The following CRYBG1 variants were observed in gnomAD, a reference collection of about 807,000 sequenced individuals.
CRYBG1 encodes beta/gamma crystallin domain-containing protein 1.
A neutral mutation model predicts 189.2 loss-of-function variants in CRYBG1; 139 were observed. The observed-to-expected ratio is 0.73, with a 90% CI of 0.64 to 0.85. The LOEUF is 0.85. CRYBG1 is among the 40% of genes least tolerant of loss of function. The pLI, the probability that CRYBG1 is intolerant of heterozygous loss-of-function variation, is 0.00. For missense variants in CRYBG1, 2,611 were observed against 2,675.8 expected, an observed-to-expected ratio of 0.98 and a Z score of 0.53; for synonymous variants, 1,023 against 1,017.1, an observed-to-expected ratio of 1.01 and a Z score of -0.11.
At chr6:106,473,126 T>G (rs969834264) in intron 2 of CRYBG1, among the ~76,000 whole-genome samples, 2 of 152,208 alleles carry the variant, frequency 1.3e-5, no homozygotes, top group African/African-American at 4.8e-5. Flanking sequence ...AGGAATAAAA[T>G]GGGCTTGGAG....
chr6:106,488,672 G>T (rs573152137), intron 2 of CRYBG1, among the ~76,000 whole-genome samples: 3 of 152,292 alleles, frequency 2.0e-5, no homozygotes, highest in South Asian at 4.1e-4. Flanking sequence ...GTGCCTGTGG[G>T]CCTGATATCT....
intron 1 of CRYBG1, among the ~76,000 whole-genome samples, chr6:106,446,335 T>A (rs915458640): frequency 6.6e-6 from 1 of 151,970 alleles, no homozygotes; most frequent in Non-Finnish European, 1.5e-5. Flanking sequence ...TTCAGAAGAG[T>A]GGTTCTAGTA....
At chr6:106,465,994 G>C (rs1252986553) in intron 2 of CRYBG1, among the ~76,000 whole-genome samples, 1 of 152,068 alleles carries the variant, frequency 6.6e-6, no homozygotes. Flanking sequence ...CTTCCTTCCA[G>C]TCATTTGTAA....
intron 21 of CRYBG1, among the ~76,000 whole-genome samples, chr6:106,564,608 G>A (rs1224061575): frequency 1.6e-5 from 1 of 63,614 alleles, no homozygotes; most frequent in Non-Finnish European, 6.3e-5. Flanking sequence ...TAGGTCTGGG[G>A]TGGGGCCTGA....
chr6:106,367,360 G>A (rs1270179121), intron 1 of CRYBG1, among the ~76,000 whole-genome samples: 1 of 151,290 alleles, frequency 6.6e-6, no homozygotes, highest in Non-Finnish European at 1.5e-5. Context: ...AGGCCAAAGT[G>A]GGCGGATCAC....
At chr6:106,436,444 G>A (rs1582761827) in intron 1 of CRYBG1, among the ~76,000 whole-genome samples, 1 of 152,124 alleles carries the variant, frequency 6.6e-6, no homozygotes, top group South Asian at 2.1e-4. Context: ...GACTACAGGC[G>A]CCGCCACCTC....
At chr6:106,392,464 G>A (rs1354774755) in intron 1 of CRYBG1, among the ~76,000 whole-genome samples, 1 of 152,198 alleles carries the variant, frequency 6.6e-6, no homozygotes, top group Admixed American at 6.5e-5. Flanking sequence ...CTAGAGGTAG[G>A]ACTTAGGGAG....
chr6:106,550,954 C>G (rs539474081), intron 13 of CRYBG1, among the ~76,000 whole-genome samples: 3 of 151,982 alleles, frequency 2.0e-5, no homozygotes, highest in Non-Finnish European at 4.4e-5. Context: ...TGTCAAGATA[C>G]CCTTACGCTT....
chr6:106,520,702 A>C lies in CRYBG1; in HGVS notation c.3494A>C (p.Lys1165Thr). The part of the protein sequence containing the change: ...KVFTFGLGKK[K>T]ESQPEMSPAL... The stretch of plus-strand genomic sequence containing the variant: ...TTTACCTTTGGTTTGGGGAAGAAGA[A>C]GGAAAGTCAGCCAGAAATGTCACCG... Residue 1165 changes from lysine to threonine, a missense_variant, in exon 4 of 22, where the codon AAG becomes ACG. Physicochemically the swap from Lys to Thr is moderately conservative, Grantham distance 78. This residue lies in a region of CRYBG1 where 1,622 missense variants were observed against 1,735.0 expected (regional missense o/e 0.93). Transcript: ENST00000633556. The C allele has an allele frequency of 6.2e-7, 1 of 1,614,174 alleles. No homozygotes were observed. The highest frequency in any genetic ancestry group is 2.2e-5 in the East Asian group (1 of 44,890).
intron 1 of CRYBG1, among the ~76,000 whole-genome samples, chr6:106,375,296 G>A (rs896167958): frequency 6.6e-6 from 1 of 152,116 alleles, no homozygotes; most frequent in African/African-American, 2.4e-5. Flanking sequence ...TGAGACAGGA[G>A]GATTGCTTGA....
chr6:106,527,570 A>G (rs2114551355), intron 7 of CRYBG1, 100 bp downstream of exon 7: 3 of 1,240,698 alleles, frequency 2.4e-6, no homozygotes, highest in Admixed American at 4.5e-5. Context: ...ATTGGGAAAC[A>G]TATTTGGTGC....
chr6:106,392,319 G>C (rs934924958), intron 1 of CRYBG1, among the ~76,000 whole-genome samples: 1 of 152,098 alleles, frequency 6.6e-6, no homozygotes, highest in Admixed American at 6.5e-5. Flanking sequence ...CTTGAAAAAG[G>C]CAACCGAATG....
At chr6:106,506,509 A>G (rs942945405) in intron 2 of CRYBG1, among the ~76,000 whole-genome samples, 1 of 134,194 alleles carries the variant, frequency 7.5e-6, no homozygotes, top group Admixed American at 8.5e-5. Flanking sequence ...CTGGAGTACA[A>G]TGATGTGATC....
chr6:106,381,422 A>AT (rs1184137252), intron 1 of CRYBG1, among the ~76,000 whole-genome samples: 1 of 152,064 alleles, frequency 6.6e-6, no homozygotes, highest in Non-Finnish European at 1.5e-5. Context: ...TCAACCATGA[A>AT]TTCTAAGTGC....
rs563844018 is a variant in CRYBG1 at position 106,385,310 on chromosome 6, A to G, written c.173+24229A>G. On this transcript the variant is annotated intron_variant, in intron 1 of 21. Transcript: ENST00000633556. ...GGCATGTACTTTAATGGTGGTTGATAATATTAATCACATCCTGCAAGACAT... is the reference window on the plus strand; with the variant it reads ...GGCATGTACTTTAATGGTGGTTGATGATATTAATCACATCCTGCAAGACAT... Among the ~76,000 whole-genome samples, 5 of 152,304 alleles carry G rather than the reference A, an allele frequency of 3.3e-5. No individual in the cohort carries two copies. The East Asian group carries it at 7.7e-4, about 23-fold the overall frequency.
chr6:106,518,975 G>GCACACACACACACA (rs377748036), intron 3 of CRYBG1, among the ~76,000 whole-genome samples, 156 bp from the exon 4 acceptor site: 137 of 134,358 alleles, frequency 1.0e-3, no homozygotes, highest in East Asian at 1.6e-3. Context: ...ACATGTGTGC[G>GCACACACACACACA]CACACACACA....
chr6:106,397,153 G>A (rs997291636), intron 1 of CRYBG1, among the ~76,000 whole-genome samples: 1 of 152,154 alleles, frequency 6.6e-6, no homozygotes, highest in African/African-American at 2.4e-5. Context: ...CAAATAAAAA[G>A]CATATATGCT....
intron 1 of CRYBG1, among the ~76,000 whole-genome samples, chr6:106,436,242 T>C (rs979682619): frequency 3.9e-5 from 6 of 151,946 alleles, no homozygotes. Context: ...CAGATTTTAG[T>C]GTATTTCCTT....
intron 1 of CRYBG1, among the ~76,000 whole-genome samples, chr6:106,392,127 C>T (rs1770519582): frequency 6.6e-6 from 1 of 152,064 alleles, no homozygotes; most frequent in East Asian, 1.9e-4. Flanking sequence ...GAGGTTTAGT[C>T]CCCGCGAATC....
Sources: allele counts gnomAD v4.1 joint callset (sites outside exome capture counted in the v4.1 genomes callset), GRCh38; gene constraint gnomAD v4.1.1; regional missense constraint gnomAD v4.1.1; transcripts MANE v1.5; gene names NCBI Gene and HGNC (gene_info 2026-07-23, HGNC 2026-07-21).